MRPS22: variants seen among roughly 807,000 people sequenced by gnomAD.
The protein encoded by MRPS22 is small ribosomal subunit protein mS22.
Under a neutral mutation model 44.0 loss-of-function variants are expected in MRPS22, and 30 were observed. That is an observed-to-expected ratio of 0.68 (90% CI 0.51 to 0.93). The LOEUF is 0.93. Among genes scored for constraint, MRPS22 ranks in the 40% least tolerant of loss-of-function variants. The pLI is 0.00. For missense variants in MRPS22, 447 were observed against 447.8 expected (o/e 1.00, Z 0.02); for synonymous variants, 165 against 154.4 (o/e 1.07, Z -0.51).
Position 139,349,483 on chromosome 3 carries a change from C to T in MRPS22, c.505-696C>T, listed in dbSNP as rs771872964. The T allele has an allele frequency of 5.8e-4, 135 of 230,832 alleles. 1 individual carries two copies. Among genetic ancestry groups the T allele is most frequent in the Middle Eastern group, 1.3e-3 (1 of 748 alleles). The allele number at this position is 230,832 out of a possible 1,614,324, so 14.3% of individuals were successfully genotyped here. A position where few individuals can be genotyped will look rare whatever the true frequency, so the allele number is the denominator to read the frequency against. On this transcript the variant is annotated intron_variant, in intron 3 of 7. Coordinates refer to ENST00000680020, the MANE Select transcript of MRPS22 (RefSeq NM_020191.4). ...TGCAAAGCTCCATGTATGCCACTCC[C>T]GGTATTGCAAAAAATTATAATCCAC...
chr3:139,357,053 C>G lies in MRPS22; in HGVS notation c.*39C>G, dbSNP rs774350893. On this transcript the variant is annotated 3_prime_UTR_variant, in exon 8 of 8. Coordinates refer to ENST00000680020, the MANE Select transcript of MRPS22 (RefSeq NM_020191.4). ...ATACATTTATTTTACTAAATACTGA[C>G]TACATTTCTCTGTTAATATTGAGCT... The G allele has an allele frequency of 1.4e-6, 2 of 1,418,966 alleles. No homozygotes were observed. Among genetic ancestry groups the G allele is most frequent in the Non-Finnish European group, 2.0e-6 (2 of 1,014,284 alleles). The allele number at this position is 1,418,966 out of a possible 1,614,324, so 87.9% of individuals were successfully genotyped here.
intron 1 of MRPS22, among the ~76,000 whole-genome samples, chr3:139,346,338 C>G (rs922548607): frequency 2.0e-5 from 3 of 152,118 alleles, no homozygotes; most frequent in Non-Finnish European, 4.4e-5. Flanking sequence ...TCCTGTATAC[C>G]ATACCTCTCA....
rs1941239206 is a variant in MRPS22, at chr3:139,355,732, A to C, written c.929A>C (p.Asp310Ala). Residue 310 changes from aspartate to alanine, a missense_variant, in exon 7 of 8, where the codon GAT (aspartate) becomes GCT (alanine). By Grantham distance (126) the Asp-to-Ala change is moderately radical. Coordinates refer to ENST00000680020, the MANE Select transcript of MRPS22 (RefSeq NM_020191.4). Reference protein sequence around the residue: ...LVQLYHVLHPDGQSAQGAKDQ... With the variant: ...LVQLYHVLHPAGQSAQGAKDQ... ...CAGCTGTATCACGTGCTCCATCCAG[A>C]TGGCCAGTCGGCTCAAGGGGCCAAG... 2 of 1,614,062 alleles carry C rather than the reference A, an allele frequency of 1.2e-6. No homozygotes were observed. Among genetic ancestry groups the C allele is most frequent in the African/African-American group, 1.3e-5 (1 of 74,912 alleles).
chr3:139,356,817 A>G, intron 7 of MRPS22, 102 bp from the exon 8 acceptor site: 2 of 789,066 alleles, frequency 2.5e-6, no homozygotes, highest in Non-Finnish European at 4.2e-6. Context: ...TTTAAGTAGG[A>G]CTCTTTGCTA....
intron 1 of MRPS22, among the ~76,000 whole-genome samples, chr3:139,345,450 G>GTTTTTTTTTTT (rs78050187): frequency 9.4e-6 from 1 of 106,514 alleles, no homozygotes; most frequent in Non-Finnish European, 1.9e-5. Context: ...TTTTTTTTTT[G>GTTTTTTTTTTT]TTTTTTTTTT....
chr3:139,356,228 T>C (rs1332749786), intron 7 of MRPS22, among the ~76,000 whole-genome samples: 4 of 152,224 alleles, frequency 2.6e-5, no homozygotes, highest in African/African-American at 9.6e-5. Context: ...GTGGAGAGTG[T>C]GATGCTTGTA....
intron 5 of MRPS22, chr3:139,352,367 C>G (rs1018802643): frequency 5.2e-6 from 2 of 381,814 alleles, no homozygotes; most frequent in Non-Finnish European, 9.9e-6. Context: ...GAGGACTGCT[C>G]AAGCAGTCCT....
chr3:139,356,641 T>C (rs1228556659), intron 7 of MRPS22, among the ~76,000 whole-genome samples: 1 of 152,236 alleles, frequency 6.6e-6, no homozygotes, highest in Non-Finnish European at 1.5e-5. Context: ...TTTGTTTTGA[T>C]CTCGAAGGAA....
chr3:139,352,568 A>T (rs1256822860), intron 5 of MRPS22, 79 bp from the exon 6 acceptor site: 2 of 1,317,308 alleles, frequency 1.5e-6, no homozygotes, highest in East Asian at 2.3e-5. Flanking sequence ...GGCAGCACTC[A>T]TGCTAATCAG....
Position 139,347,032 on chromosome 3 carries a change from A to C in MRPS22, c.327A>C (p.Ala109=). The change falls in exon 2 of 8, where the codon GCA becomes GCC. Residue 109 remains alanine (A), a synonymous_variant. Transcript: ENST00000680020. ...KPPTYKLMTQ[A]QLEEATRQAV... The stretch of plus-strand genomic sequence containing the variant: ...CAACCTATAAGCTAATGACTCAGGC[A>C]CAGTTGGAAGAGGTACGTGAATGCA... 3 of 1,614,198 alleles carry C rather than the reference A, an allele frequency of 1.9e-6. No homozygotes were observed. The highest frequency in any genetic ancestry group is 2.5e-6 in the Non-Finnish European group (3 of 1,180,024).
chr3:139,346,138 G>A (rs995091301), intron 1 of MRPS22, among the ~76,000 whole-genome samples: 4 of 152,102 alleles, frequency 2.6e-5, no homozygotes, highest in South Asian at 2.1e-4. Context: ...GATAACACAC[G>A]GCCTCTTCAG....
chr3:139,350,377 A>G, intron 4 of MRPS22, 55 bp downstream of exon 4: 6 of 1,596,696 alleles, frequency 3.8e-6, no homozygotes, highest in Non-Finnish European at 5.1e-6. Context: ...TTATTTGTAG[A>G]ACCAGTTGGC....
intron 3 of MRPS22, among the ~76,000 whole-genome samples, chr3:139,349,914 G>A (rs868526784): frequency 3.3e-5 from 5 of 152,070 alleles, no homozygotes; most frequent in African/African-American, 4.8e-5. Flanking sequence ...AGCTTTTTTC[G>A]TATCGAACTC....
rs766199720 is a variant in MRPS22, at chr3:139,351,051, G to C, written c.723G>C (p.Glu241Asp). 1.2e-6 allele frequency: 2 copies of C among 1,613,262 alleles called. No homozygotes were observed. The highest frequency in any genetic ancestry group is 1.1e-5 in the South Asian group (1 of 91,070). Reference sequence around the variant, plus strand: ...CCCAGTTTGAGCCAGATTCCACAGAGTATATCAAGGTGAGTAGATTTTAGT... The same window carrying C: ...CCCAGTTTGAGCCAGATTCCACAGACTATATCAAGGTGAGTAGATTTTAGT... Reference protein sequence around the residue: ...CFAQFEPDSTEYIKVHHKTYE... With the variant: ...CFAQFEPDSTDYIKVHHKTYE... Residue 241 changes from glutamate to aspartate, a missense_variant, in exon 5 of 8, where the codon GAG becomes GAC. Glu to Asp is a conservative substitution (Grantham distance 45). Coordinates refer to ENST00000680020, the MANE Select transcript of MRPS22 (RefSeq NM_020191.4).
At chr3:139,356,336 G>A (rs1272877744) in intron 7 of MRPS22, among the ~76,000 whole-genome samples, 1 of 152,136 alleles carries the variant, frequency 6.6e-6, no homozygotes, top group Non-Finnish European at 1.5e-5. Flanking sequence ...GAGTTGAGAT[G>A]ATATTTTCAG....
chr3:139,352,220 C>T (rs1303329327), intron 5 of MRPS22: 1 of 186,172 alleles, frequency 5.4e-6, no homozygotes, highest in East Asian at 1.4e-4. Context: ...TTCAGGCTGC[C>T]ACATACTTCT....
In MRPS22 at chr3:139,355,625, G is replaced by A. The variant is rs1941233443; in HGVS notation, c.879-57G>A. On this transcript the variant is annotated intron_variant, in intron 6 of 7. Transcript: ENST00000680020. ...TTTGAAGTTGGCACACACTTTTATA[G>A]GACTGTGAATCAAATGAAGAAAACC... is the stretch of plus-strand genomic sequence containing the variant. 25 of 1,368,702 alleles carry A rather than the reference G, an allele frequency of 1.8e-5. No individual in the cohort carries two copies. The South Asian group carries it at 2.8e-4, about 15-fold the overall frequency. The allele number at this position is 1,368,702 out of a possible 1,614,324, so 84.8% of individuals were successfully genotyped here.
At chr3:139,350,489 G>T in intron 4 of MRPS22, 167 bp downstream of exon 4, 1 of 701,050 alleles carries the variant, frequency 1.4e-6, no homozygotes. Context: ...GTGCAGTGGC[G>T]GGATCTCAGC....
chr3:139,353,166 C>A (rs565583497), intron 6 of MRPS22, among the ~76,000 whole-genome samples: 9 of 152,250 alleles, frequency 5.9e-5, no homozygotes, highest in African/African-American at 1.9e-4. Context: ...AGAACTATTT[C>A]TAGGGCTTTT....
Sources: allele counts gnomAD v4.1 joint callset (sites outside exome capture counted in the v4.1 genomes callset), GRCh38; gene constraint gnomAD v4.1.1; transcripts MANE v1.5; gene names NCBI Gene and HGNC (gene_info 2026-07-23, HGNC 2026-07-21).